MAP3K7CL: variants seen among roughly 807,000 people sequenced by gnomAD.
The protein encoded by MAP3K7CL is MAP3K7 C-terminal-like protein.
A neutral mutation model predicts 18.6 loss-of-function variants in MAP3K7CL; 16 were observed. The ratio of observed to expected loss-of-function variants is 0.86; its 90% CI spans 0.58 to 1.31. The LOEUF is 1.31. Ranked by LOEUF, MAP3K7CL falls within the 50% of genes most tolerant of loss-of-function variation. MAP3K7CL has a pLI of 0.00. For missense variants in MAP3K7CL, 163 were observed against 174.4 expected (o/e 0.93, Z 0.37); for synonymous variants, 65 against 66.8 (o/e 0.97, Z 0.13).
upstream of MAP3K7CL, among the ~76,000 whole-genome samples, chr21:29,129,273 C>T (rs932026900): frequency 6.6e-6 from 1 of 152,168 alleles, no homozygotes; most frequent in African/African-American, 2.4e-5. Flanking sequence ...TGTGTATCTA[C>T]CATTACAGTC....
At chr21:29,100,659 T>C (rs2086211484) in intron 4 of MAP3K7CL, among the ~76,000 whole-genome samples, 1 of 151,348 alleles carries the variant, frequency 6.6e-6, no homozygotes, top group Non-Finnish European at 1.5e-5. Flanking sequence ...TCTATTACGG[T>C]GTTACAGATA....
At position 29,174,870 on chromosome 21, in the gene MAP3K7CL, A is replaced by G. The variant is rs774025175; in HGVS notation, c.407A>G (p.Gln136Arg). The change falls in exon 5 of 5, where the codon CAG becomes CGG. Residue 136 changes from glutamine (Q) to arginine (R), a missense_variant. Transcript: ENST00000399928. ...EQLEKLRIQYQKRQGSS is the reference protein window; with the variant it reads ...EQLEKLRIQYRKRQGSS ...CTGGAGAAACTTCGAATACAGTATC[A>G]GAAGAGGCAGGGCTCGTCCTAACTT... 5.0e-6 allele frequency: 8 copies of G among 1,614,000 alleles called. No homozygotes were observed. In the African/African-American group the frequency reaches 1.1e-4, roughly 22 times the overall value.
chr21:29,128,263 C>G (rs1397566969), upstream of MAP3K7CL: 6 of 151,482 alleles, frequency 4.0e-5, no homozygotes, highest in East Asian at 1.2e-3. Flanking sequence ...CTCCTCCAAA[C>G]AAAAGCTGAG....
At position 29,133,335 on chromosome 21, in the gene MAP3K7CL, A is replaced by G. The variant is rs144215345; in HGVS notation, c.-10A>G. The G allele has an allele frequency of 6.4e-7, 1 of 1,550,394 alleles. No homozygotes were observed. Among genetic ancestry groups the G allele is most frequent in the Non-Finnish European group, 8.7e-7 (1 of 1,146,864 alleles). On this transcript the variant is annotated 5_prime_UTR_variant, in exon 2 of 5. Transcript: ENST00000399928. Reference sequence around the variant, plus strand: ...AAGACCCAGGAGAAGGCGGAGGCTCAGGTGCCCACATGATCAGCACAGCCA... The same window carrying G: ...AAGACCCAGGAGAAGGCGGAGGCTCGGGTGCCCACATGATCAGCACAGCCA...
At chr21:29,109,099 C>T (rs1196579014) in intron 4 of MAP3K7CL, 4 of 1,535,132 alleles carry the variant, frequency 2.6e-6, no homozygotes, top group Non-Finnish European at 3.5e-6. Flanking sequence ...ATTTCATTTC[C>T]AAATTATGAA....
At chr21:29,159,072 C>T (rs1001636403) in intron 3 of MAP3K7CL, among the ~76,000 whole-genome samples, 7 of 152,046 alleles carry the variant, frequency 4.6e-5, no homozygotes, top group South Asian at 2.1e-4. Context: ...AGGTGGGCCC[C>T]GCCATGCCTG....
At chr21:29,172,496 C>T (rs1159083635) in intron 4 of MAP3K7CL, among the ~76,000 whole-genome samples, 8 of 152,144 alleles carry the variant, frequency 5.3e-5, no homozygotes, top group Non-Finnish European at 1.2e-4. Flanking sequence ...TTTCATCACA[C>T]ATTTCCCTTT....
chr21:29,171,732 A>T (rs1413046576), intron 4 of MAP3K7CL, among the ~76,000 whole-genome samples: 1 of 140,848 alleles, frequency 7.1e-6, no homozygotes, highest in Non-Finnish European at 1.5e-5. Context: ...GCTTGATCCC[A>T]GGAGGCAGAG....
intron 1 of MAP3K7CL, among the ~76,000 whole-genome samples, chr21:29,088,999 G>A (rs1004648748): frequency 4.0e-5 from 6 of 151,632 alleles, no homozygotes; most frequent in Non-Finnish European, 8.8e-5. Flanking sequence ...GTGAAACCCC[G>A]TCTCTACTAA....
intron 2 of MAP3K7CL, 147 bp downstream of exon 2, chr21:29,133,561 AGATGGCGGCTTCCAGAAATGCCTCTAGT>A: frequency 3.8e-6 from 2 of 523,972 alleles, no homozygotes; most frequent in Non-Finnish European, 3.1e-6. Flanking sequence ...ATGCATTGTT[AGATGGCGGCTTCCAGAAATGCCTCTAGT>A]GATGCTTTCC....
intron 4 of MAP3K7CL, among the ~76,000 whole-genome samples, chr21:29,163,693 CT>C (rs397866386): frequency 0.2 from 24,573 of 125,938 alleles, 2,171 homozygotes; most frequent in East Asian, 0.29. Context: ...CCCTTTCTTC[CT>C]TTTTTTTTTT....
At chr21:29,083,138 C>T (rs1013015069), upstream of MAP3K7CL, among the ~76,000 whole-genome samples, 1 of 152,074 alleles carries the variant, frequency 6.6e-6, no homozygotes, top group African/African-American at 2.4e-5. Flanking sequence ...GGTGTTTTGC[C>T]TTGGGCAATT....
At chr21:29,137,217 A>G (rs1000343985) in intron 2 of MAP3K7CL, among the ~76,000 whole-genome samples, 1 of 152,244 alleles carries the variant, frequency 6.6e-6, no homozygotes, top group African/African-American at 2.4e-5. Flanking sequence ...GGTAGATTTT[A>G]TAGCATTACT....
chr21:29,079,923 C>T (rs2085808478), intron 1 of MAP3K7CL, among the ~76,000 whole-genome samples: 1 of 152,140 alleles, frequency 6.6e-6, no homozygotes, highest in South Asian at 2.1e-4. Flanking sequence ...TGATTCTTTT[C>T]TTAGTTTAAA....
chr21:29,080,740 C>G (rs1392104478), intron 1 of MAP3K7CL: 1 of 151,958 alleles, frequency 6.6e-6, no homozygotes, highest in African/African-American at 2.4e-5. Context: ...GGGACCTATT[C>G]CCAGAAGCCC....
At chr21:29,078,348 C>A (rs1786759806) in intron 1 of MAP3K7CL, among the ~76,000 whole-genome samples, 1 of 151,776 alleles carries the variant, frequency 6.6e-6, no homozygotes, top group African/African-American at 2.4e-5. Flanking sequence ...AAATTTTTTT[C>A]TCTTTTAATC....
In MAP3K7CL at chr21:29,092,632, C is replaced by T. The variant is rs774639457; in HGVS notation, c.370+51C>T. ...AGTCTCAGGTTCTGAAGGCTTTTTA[C>T]ACACTGCACCATGGGAGCCTAAGGC... On this transcript the variant is annotated intron_variant, in intron 4 of 6. Coordinates refer to the MAP3K7CL transcript ENST00000286791. 1.3e-5 allele frequency: 21 copies of T among 1,602,916 alleles called. No homozygotes were observed. The Admixed American group carries it at 3.5e-4, about 27-fold the overall frequency.
chr21:29,136,738 C>G (rs1327836955), intron 2 of MAP3K7CL, among the ~76,000 whole-genome samples: 2 of 152,088 alleles, frequency 1.3e-5, no homozygotes, highest in African/African-American at 2.4e-5. Flanking sequence ...CCAGGCTGGT[C>G]TCGAACTCCT....
intron 4 of MAP3K7CL, among the ~76,000 whole-genome samples, chr21:29,114,133 A>G (rs564834439): frequency 1.3e-5 from 2 of 151,934 alleles, no homozygotes; most frequent in East Asian, 1.9e-4. Context: ...CAGTGGCGCA[A>G]TCTCGGCTCT....
Sources: gnomAD v4.1 joint callset for allele counts (sites outside exome capture counted in the v4.1 genomes callset) on GRCh38, gnomAD v4.1.1 for gene constraint, MANE v1.5 for transcripts, NCBI Gene and HGNC (gene_info 2026-07-23, HGNC 2026-07-21) for gene names.